The following SND1 variants were observed in gnomAD, a reference collection of about 807,000 sequenced individuals.
SND1 encodes the protein staphylococcal nuclease domain-containing protein 1.
SND1 carries 38 observed loss-of-function variants against 121.7 expected under a neutral mutation model. The ratio of observed to expected loss-of-function variants is 0.31; its 90% confidence interval spans 0.24 to 0.41. The LOEUF is 0.41. Among genes scored for constraint, SND1 ranks in the 10% least tolerant of loss-of-function variants. The pLI is 1.00. For synonymous variants in SND1, 401 were observed against 447.4 expected (o/e 0.90, Z 1.31); for missense variants, 868 against 1,184.6 (o/e 0.73, Z 3.92).
chr7:127,726,481 T>C (rs912413074), intron 10 of SND1, among the ~76,000 whole-genome samples: 2 of 152,260 alleles, frequency 1.3e-5, no homozygotes, highest in African/African-American at 4.8e-5. Flanking sequence ...TAGTTTGTTT[T>C]ATCCAGTTGT....
At chr7:127,858,474 G>T in intron 12 of SND1, 1 of 610,262 alleles carries the variant, frequency 1.6e-6, no homozygotes, top group Non-Finnish European at 3.0e-6. Context: ...GCCTGGCGTG[G>T]GGTCTCATTT....
intron 13 of SND1, among the ~76,000 whole-genome samples, chr7:127,899,970 G>A (rs189653346): frequency 2.8e-4 from 43 of 152,278 alleles, no homozygotes; most frequent in Non-Finnish European, 4.9e-4. Context: ...GTGTTCAGGG[G>A]TCCTAATCTC....
chr7:127,779,733 C>T (rs1426529477), intron 10 of SND1, among the ~76,000 whole-genome samples: 1 of 152,192 alleles, frequency 6.6e-6, no homozygotes, highest in African/African-American at 2.4e-5. Context: ...TACACAAGTT[C>T]GCCAAACTGG....
chr7:127,950,384 A>G (rs1392063706), intron 15 of SND1, among the ~76,000 whole-genome samples: 1 of 152,224 alleles, frequency 6.6e-6, no homozygotes, highest in Non-Finnish European at 1.5e-5. Flanking sequence ...AAGTGGAGAA[A>G]AAATAGTGTC....
At chr7:127,837,804 C>T (rs1359293164) in intron 11 of SND1, among the ~76,000 whole-genome samples, 2 of 152,160 alleles carry the variant, frequency 1.3e-5, no homozygotes, top group African/African-American at 4.8e-5. Flanking sequence ...TTAAGGAGCA[C>T]TTTGTATGGA....
At chr7:127,936,657 C>T (rs780270015) in intron 15 of SND1, among the ~76,000 whole-genome samples, 4 of 152,146 alleles carry the variant, frequency 2.6e-5, no homozygotes, top group Non-Finnish European at 4.4e-5. Flanking sequence ...AAGTAATCCT[C>T]CCTCAGATCC....
chr7:128,062,274 G>C (rs1793243551), intron 16 of SND1, among the ~76,000 whole-genome samples: 1 of 152,236 alleles, frequency 6.6e-6, no homozygotes, highest in African/African-American at 2.4e-5. Flanking sequence ...CAGGCTTTCT[G>C]CTTGGCACAT....
chr7:127,994,549 C>CAAAAAAAAAAAAAAAAA (rs563548702), intron 16 of SND1, among the ~76,000 whole-genome samples: 1 of 46,238 alleles, frequency 2.2e-5, no homozygotes, highest in Non-Finnish European at 3.8e-5. Context: ...CACTTTTACT[C>CAAAAAAAAAAAAAAAAA]AAAAAAAAAA....
intron 15 of SND1, among the ~76,000 whole-genome samples, chr7:127,981,919 GGAAAAGCA>G: frequency 6.6e-6 from 1 of 152,270 alleles, no homozygotes; most frequent in South Asian, 2.1e-4. Flanking sequence ...CAGAACTCTT[GGAAAAGCA>G]GGTTGTTGTA....
chr7:127,686,887 C>T (rs1795823178), intron 2 of SND1, 125 bp downstream of exon 2: 26 of 1,103,232 alleles, frequency 2.4e-5, no homozygotes, highest in Non-Finnish European at 3.1e-5. Context: ...CATAGAACTG[C>T]TGATTCTGGA....
chr7:128,017,246 CCT>C (rs770407337), intron 16 of SND1, among the ~76,000 whole-genome samples: 4 of 152,100 alleles, frequency 2.6e-5, no homozygotes, highest in Admixed American at 6.5e-5. Flanking sequence ...GGTTCTTCCC[CCT>C]GTTCTCATGT....
intron 16 of SND1, chr7:128,031,590 G>C (rs1792604720): frequency 6.7e-6 from 1 of 150,012 alleles, no homozygotes; most frequent in Non-Finnish European, 1.5e-5. Context: ...GCCGGCACGC[G>C]GGGCGGCGCT....
chr7:127,866,421 A>G (rs1032265114), intron 12 of SND1, among the ~76,000 whole-genome samples: 6 of 151,980 alleles, frequency 3.9e-5, no homozygotes, highest in African/African-American at 7.2e-5. Context: ...GATTCCCACC[A>G]GGAGCTGAAA....
At chr7:127,989,024 A>C (rs1477032190) in intron 15 of SND1, among the ~76,000 whole-genome samples, 1 of 152,210 alleles carries the variant, frequency 6.6e-6, no homozygotes, top group Non-Finnish European at 1.5e-5. Context: ...TTGGCTATTG[A>C]TGTAAAAAAC....
chr7:127,719,607 G>A (rs1378964922), intron 9 of SND1, among the ~76,000 whole-genome samples: 1 of 152,206 alleles, frequency 6.6e-6, no homozygotes, highest in Admixed American at 6.5e-5. Flanking sequence ...GGTTATAGGA[G>A]AATGGTTATG....
intron 10 of SND1, among the ~76,000 whole-genome samples, chr7:127,777,480 G>A (rs927747882): frequency 2.0e-5 from 3 of 152,160 alleles, no homozygotes; most frequent in African/African-American, 7.2e-5. Context: ...GTCTTAATTG[G>A]ATAAATTGAA....
At chr7:127,797,364 G>A (rs1798047155) in intron 10 of SND1, among the ~76,000 whole-genome samples, 1 of 152,236 alleles carries the variant, frequency 6.6e-6, no homozygotes, top group African/African-American at 2.4e-5. Flanking sequence ...TGATTTCAAG[G>A]TTGAGGGCAG....
chr7:128,078,886 C>T lies in SND1; in HGVS notation c.1969-2474C>T, dbSNP rs192058148. ...CGGTCTCTGTTAACAAGCTCAGTGC[C>T]GGGAAAGGAGGGAGCTGGCAGGAAG... On this transcript the variant is annotated intron_variant, in intron 17 of 23. Transcript: ENST00000354725. Among the ~76,000 whole-genome samples, 196 of 152,258 alleles carry T rather than the reference C, an allele frequency of 1.3e-3. 1 individual carries two copies. The highest frequency in any genetic ancestry group is 4.5e-3 in the African/African-American group (188 of 41,542).
At chr7:128,031,535 G>C (rs76383325) in intron 16 of SND1, 3 of 151,202 alleles carry the variant, frequency 2.0e-5, no homozygotes, top group African/African-American at 7.3e-5. Flanking sequence ...TTCTCGGAGG[G>C]TGGAAGAGAC....
Sources: allele counts gnomAD v4.1 joint callset (sites outside exome capture counted in the v4.1 genomes callset), GRCh38; gene constraint gnomAD v4.1.1; transcripts MANE v1.5; gene names NCBI Gene and HGNC (gene_info 2026-07-23, HGNC 2026-07-21).